The following LYPD6B variants were observed in gnomAD, a reference collection of about 807,000 sequenced individuals.
The protein encoded by LYPD6B is ly6/PLAUR domain-containing protein 6B.
Under a neutral mutation model 22.8 loss-of-function variants are expected in LYPD6B, and 17 were observed. That is an observed-to-expected ratio of 0.75 (90% CI 0.51 to 1.12). LYPD6B has a LOEUF of 1.12. Among genes scored for constraint, LYPD6B ranks in the 50% most tolerant of loss-of-function variants. LYPD6B has a pLI of 0.00. For missense variants in LYPD6B, 221 were observed against 258.3 expected (o/e 0.86, Z 0.99); for synonymous variants, 106 against 91.6 (o/e 1.16, Z -0.90).
At chr2:149,115,238 C>T (rs1413760196) in intron 1 of LYPD6B, among the ~76,000 whole-genome samples, 1 of 152,150 alleles carries the variant, frequency 6.6e-6, no homozygotes, top group Non-Finnish European at 1.5e-5. Flanking sequence ...CATGCCCAGC[C>T]TACAGTGATT....
intron 3 of LYPD6B, among the ~76,000 whole-genome samples, chr2:149,180,388 C>T (rs1559058177): frequency 6.6e-6 from 1 of 152,178 alleles, no homozygotes; most frequent in Non-Finnish European, 1.5e-5. Context: ...GCGAGAATTC[C>T]AAACTTGCAG....
intron 3 of LYPD6B, among the ~76,000 whole-genome samples, chr2:149,176,782 C>G (rs1295220300): frequency 6.6e-6 from 1 of 152,136 alleles, no homozygotes; most frequent in Non-Finnish European, 1.5e-5. Flanking sequence ...GTAGCCACCC[C>G]AAAGACTACA....
chr2:149,189,167 C>T (rs1692316555), intron 3 of LYPD6B, among the ~76,000 whole-genome samples: 1 of 151,786 alleles, frequency 6.6e-6, no homozygotes, highest in African/African-American at 2.4e-5. Flanking sequence ...AGGCCTCCTC[C>T]TCTTGCCTAC....
intron 1 of LYPD6B, among the ~76,000 whole-genome samples, chr2:149,065,607 T>C (rs1327781481): frequency 6.6e-6 from 1 of 152,240 alleles, no homozygotes; most frequent in Admixed American, 6.5e-5. Context: ...GTGAGCCTGG[T>C]TGATTGGCAG....
chr2:149,153,526 C>T (rs1299718135), intron 2 of LYPD6B, among the ~76,000 whole-genome samples: 2 of 152,050 alleles, frequency 1.3e-5, no homozygotes, highest in African/African-American at 2.4e-5. Context: ...CCTGTAATCC[C>T]ATCACTTTGG....
chr2:149,212,343 C>A (rs1472050984), intron 5 of LYPD6B, among the ~76,000 whole-genome samples: 2 of 131,294 alleles, frequency 1.5e-5, no homozygotes, highest in Non-Finnish European at 3.1e-5. Context: ...GATCACGCCA[C>A]TGCACTCCAG....
intron 2 of LYPD6B, among the ~76,000 whole-genome samples, chr2:149,146,155 A>G (rs1689007191): frequency 6.6e-6 from 1 of 152,230 alleles, no homozygotes; most frequent in Admixed American, 6.5e-5. Context: ...AGTGCAAGAG[A>G]CAGATATTAA....
At chr2:149,206,497 C>A (rs1693514963) in intron 4 of LYPD6B, among the ~76,000 whole-genome samples, 1 of 152,034 alleles carries the variant, frequency 6.6e-6, no homozygotes, top group Admixed American at 6.6e-5. Context: ...ATACTGATAG[C>A]TGAAAGACAT....
At chr2:149,063,744 T>G (rs923630514) in intron 1 of LYPD6B, among the ~76,000 whole-genome samples, 1 of 152,188 alleles carries the variant, frequency 6.6e-6, no homozygotes, top group Non-Finnish European at 1.5e-5. Context: ...GGGTTGAATA[T>G]TGCAAATCAA....
chr2:149,211,714 C>T (rs1693865682), intron 5 of LYPD6B, among the ~76,000 whole-genome samples: 1 of 151,998 alleles, frequency 6.6e-6, no homozygotes, highest in African/African-American at 2.4e-5. Flanking sequence ...TAAGCCCAGT[C>T]TTCTCAGCTT....
At chr2:149,127,874 G>T (rs1040400457) in intron 1 of LYPD6B, among the ~76,000 whole-genome samples, 2 of 152,044 alleles carry the variant, frequency 1.3e-5, no homozygotes, top group Non-Finnish European at 2.9e-5. Context: ...GTATAATGGT[G>T]CCCTAATACC....
chr2:149,077,471 T>TAAG (rs10659447), intron 1 of LYPD6B: 66,794 of 151,962 alleles, frequency 0.44, 14,856 homozygotes, highest in South Asian at 0.54. Flanking sequence ...TGGCATGTAA[T>TAAG]AAGTGATAAC....
Position 149,098,470 on chromosome 2 carries a change from C to T in LYPD6B, c.-66-32413C>T, listed in dbSNP as rs561167912. 9.5e-4 allele frequency among the ~76,000 whole-genome samples: 144 copies of T among 151,484 alleles called. 1 individual carries two copies. The highest frequency in any genetic ancestry group is 6.8e-3 in the Middle Eastern group (2 of 294). On this transcript the variant is annotated intron_variant, in intron 1 of 6. Coordinates refer to ENST00000409642, the MANE Select transcript of LYPD6B (RefSeq NM_177964.5). ...TGAAACCCTGTCTCTACTAAAAATACGAAAAAATTAGCTGGGTGTGGTGGC... is the reference window on the plus strand; with the variant it reads ...TGAAACCCTGTCTCTACTAAAAATATGAAAAAATTAGCTGGGTGTGGTGGC...
chr2:149,210,472 T>C (rs1380069741), intron 5 of LYPD6B, among the ~76,000 whole-genome samples: 1 of 152,222 alleles, frequency 6.6e-6, no homozygotes, highest in Non-Finnish European at 1.5e-5. Flanking sequence ...CCTGGAATTC[T>C]AATTGAGGGT....
At chr2:149,112,793 C>T (rs542759124) in intron 1 of LYPD6B, among the ~76,000 whole-genome samples, 3 of 152,016 alleles carry the variant, frequency 2.0e-5, no homozygotes, top group Non-Finnish European at 2.9e-5. Context: ...TTATTGAAAA[C>T]GAACTGGGAC....
chr2:149,110,624 A>G (rs1574984075), intron 1 of LYPD6B, among the ~76,000 whole-genome samples: 1 of 152,300 alleles, frequency 6.6e-6, no homozygotes, highest in Non-Finnish European at 1.5e-5. Flanking sequence ...CAATCTGACT[A>G]CTGAAAATGA....
intron 3 of LYPD6B, among the ~76,000 whole-genome samples, chr2:149,172,838 C>T (rs1690938860): frequency 6.6e-6 from 1 of 152,066 alleles, no homozygotes; most frequent in Admixed American, 6.6e-5. Flanking sequence ...GCCTTCAGTG[C>T]TCCTGGTTCT....
At chr2:149,072,369 A>G (rs1277467286) in intron 1 of LYPD6B, among the ~76,000 whole-genome samples, 4 of 151,630 alleles carry the variant, frequency 2.6e-5, no homozygotes, top group Non-Finnish European at 5.9e-5. Context: ...CTTTCAGCAC[A>G]TGTGCCTCTG....
chr2:149,103,771 CTTTTTTTTTT>C (rs56739458), intron 1 of LYPD6B, among the ~76,000 whole-genome samples: 2 of 74,312 alleles, frequency 2.7e-5, no homozygotes, highest in African/African-American at 1.1e-4. Context: ...TTGTGCATAT[CTTTTTTTTTT>C]TTTTTTTTTT....
Sources: gnomAD v4.1 joint callset for allele counts (sites outside exome capture counted in the v4.1 genomes callset) on GRCh38, gnomAD v4.1.1 for gene constraint, MANE v1.5 for transcripts, NCBI Gene and HGNC (gene_info 2026-07-23, HGNC 2026-07-21) for gene names.